CAMTA1: variants seen among roughly 807,000 people sequenced by gnomAD.
CAMTA1 encodes calmodulin binding transcription activator 1.
A neutral mutation model predicts 170.9 loss-of-function variants in CAMTA1; 27 were observed. The ratio of observed to expected loss-of-function variants is 0.16; its 90% CI spans 0.12 to 0.22. The LOEUF is 0.22. Among genes scored for constraint, CAMTA1 ranks in the 10% least tolerant of loss-of-function variants. CAMTA1 has a pLI of 1.00. For missense variants in CAMTA1, 1,619 were observed against 2,217.2 expected (o/e 0.73, Z 5.42); for synonymous variants, 833 against 891.5 (o/e 0.93, Z 1.17).
intron 6 of CAMTA1, among the ~76,000 whole-genome samples, chr1:7,628,578 A>G (rs1189153125): frequency 6.6e-6 from 1 of 152,236 alleles, no homozygotes; most frequent in South Asian, 2.1e-4. Context: ...CTTCAGAGCT[A>G]TGGAGGGGAG....
At chr1:7,231,705 G>A (rs1312511016) in intron 4 of CAMTA1, among the ~76,000 whole-genome samples, 2 of 152,182 alleles carry the variant, frequency 1.3e-5, no homozygotes, top group East Asian at 1.9e-4. Flanking sequence ...ATGTGGCTCC[G>A]ATGAGATGGA....
chr1:7,688,572 GGAGAA>G (rs1426779840), intron 11 of CAMTA1, among the ~76,000 whole-genome samples: 1 of 152,154 alleles, frequency 6.6e-6, no homozygotes, highest in African/African-American at 2.4e-5. Flanking sequence ...CACCCACCAT[GGAGAA>G]GAGAAGACAC....
chr1:6,929,899 G>C (rs1170579064), intron 3 of CAMTA1, among the ~76,000 whole-genome samples: 1 of 152,094 alleles, frequency 6.6e-6, no homozygotes, highest in Non-Finnish European at 1.5e-5. Context: ...ATTCTCCTTC[G>C]GTCCATGAGC....
chr1:7,475,257 C>T (rs1049272307), intron 6 of CAMTA1, among the ~76,000 whole-genome samples: 3 of 152,162 alleles, frequency 2.0e-5, no homozygotes, highest in Admixed American at 6.5e-5. Context: ...TAAAGCCTGA[C>T]GGCACTGGCT....
chr1:7,257,076 C>CGGT (rs1553291544), intron 5 of CAMTA1, among the ~76,000 whole-genome samples: 5 of 135,210 alleles, frequency 3.7e-5, no homozygotes, highest in Non-Finnish European at 6.5e-5. Context: ...CATCGCATGG[C>CGGT]GGGGGCGGGG....
intron 4 of CAMTA1, among the ~76,000 whole-genome samples, chr1:7,219,853 C>A (rs1262454081): frequency 6.6e-6 from 1 of 152,038 alleles, no homozygotes; most frequent in Admixed American, 6.5e-5. Flanking sequence ...CTGGGCAACA[C>A]AGGGAGACCC....
intron 4 of CAMTA1, among the ~76,000 whole-genome samples, chr1:7,218,301 TG>T: frequency 6.6e-6 from 1 of 152,206 alleles, no homozygotes; most frequent in Non-Finnish European, 1.5e-5. Flanking sequence ...ACCTTATGGT[TG>T]GGATTTTGGG....
chr1:7,117,960 C>A (rs1395300499), intron 4 of CAMTA1, among the ~76,000 whole-genome samples: 1 of 152,174 alleles, frequency 6.6e-6, no homozygotes, highest in Non-Finnish European at 1.5e-5. Context: ...TGTGTCCCAG[C>A]CCTTTCGGGA....
Position 6,918,108 on chromosome 1 carries a change from T to C in CAMTA1, c.234+92898T>C, listed in dbSNP as rs1681235238. Among the ~76,000 whole-genome samples the C allele has an allele frequency of 6.6e-6, 1 of 152,108 alleles. No individual in the cohort carries two copies. Among genetic ancestry groups the C allele is most frequent in the Admixed American group, 6.5e-5 (1 of 15,278 alleles). On this transcript the variant is annotated intron_variant, in intron 3 of 22. Transcript: ENST00000303635. This position sits in a 1 kb window ranked among gnomAD's most constrained non-coding sequence, Gnocchi z 4.0. Reference sequence around the variant, plus strand: ...CTAACTTTCCTTCTGTGGCTCCTAATGGTGAAGGCCTCCCATGCTCCTGTT... The same window carrying C: ...CTAACTTTCCTTCTGTGGCTCCTAACGGTGAAGGCCTCCCATGCTCCTGTT...
intron 4 of CAMTA1, among the ~76,000 whole-genome samples, chr1:7,187,708 C>T (rs1031733117): frequency 6.6e-6 from 1 of 152,204 alleles, no homozygotes; most frequent in African/African-American, 2.4e-5. Flanking sequence ...TGGCACCAAC[C>T]TTCATTATCT....
At chr1:7,626,534 T>C (rs1312838634) in intron 6 of CAMTA1, among the ~76,000 whole-genome samples, 2 of 152,212 alleles carry the variant, frequency 1.3e-5, no homozygotes, top group African/African-American at 4.8e-5. Flanking sequence ...AGCAGCCTTG[T>C]TCTGAATGCC....
chr1:7,590,255 A>G (rs2095345579), intron 6 of CAMTA1, among the ~76,000 whole-genome samples: 1 of 152,184 alleles, frequency 6.6e-6, no homozygotes, highest in African/African-American at 2.4e-5. Context: ...TGCTGCTGCT[A>G]TGAGTCCCTG....
At position 7,446,110 on chromosome 1, in the gene CAMTA1, C is replaced by T. The variant is rs908879400; in HGVS notation, c.439-21720C>T. Among the ~76,000 whole-genome samples, 8 of 150,428 alleles carry T rather than the reference C, an allele frequency of 5.3e-5. No homozygotes were observed. The South Asian group carries it at 6.3e-4, about 12-fold the overall frequency. On this transcript the variant is annotated intron_variant, in intron 5 of 22. Transcript: ENST00000303635. The stretch of plus-strand genomic sequence containing the variant: ...CTCCGCCCGCCGCTCACCTTGCTGT[C>T]GGCAAGAGTTAAGTTTTACTGAGAA...
Position 7,610,254 on chromosome 1 carries a change from C to G in CAMTA1, c.511-30146C>G, listed in dbSNP as rs547557938. Among the ~76,000 whole-genome samples, 12 of 152,328 alleles carry G rather than the reference C, an allele frequency of 7.9e-5. No homozygotes were observed. The South Asian group carries it at 2.3e-3, about 29-fold the overall frequency. ...TAAAGGCAAGGCTCAGCGAGAAGAG[C>G]TGGGATATCTGGGTCCTGTTCTGTC... On this transcript the variant is annotated intron_variant, in intron 6 of 22. Transcript: ENST00000303635.
At chr1:7,597,145 A>C (rs1022278331) in intron 6 of CAMTA1, among the ~76,000 whole-genome samples, 2 of 152,230 alleles carry the variant, frequency 1.3e-5, no homozygotes, top group Non-Finnish European at 2.9e-5. Context: ...GAGCCCACTG[A>C]GTAGGCAAGG....
Position 7,234,886 on chromosome 1 carries a change from A to G in CAMTA1, c.303-14605A>G, listed in dbSNP as rs1241210370. On this transcript the variant is annotated intron_variant, in intron 4 of 22. Coordinates refer to ENST00000303635, the MANE Select transcript of CAMTA1 (RefSeq NM_015215.4). This position sits in a 1 kb window ranked among gnomAD's most constrained non-coding sequence, Gnocchi z 5.0. ...ACTGCAACCTCCACTTCCCAGGTTC[A>G]AGCGATTCTTGCACCTCAGCCTCAT... Among the ~76,000 whole-genome samples, 1 of 151,146 alleles carries G rather than the reference A, an allele frequency of 6.6e-6. No individual in the cohort carries two copies. Among genetic ancestry groups the G allele is most frequent in the East Asian group, 1.9e-4 (1 of 5,150 alleles).
chr1:6,875,449 A>T (rs1238031083), intron 3 of CAMTA1, among the ~76,000 whole-genome samples: 1 of 151,992 alleles, frequency 6.6e-6, no homozygotes, highest in South Asian at 2.1e-4. Flanking sequence ...CACCTAGCTA[A>T]TTTTTTTGTA....
Position 7,532,638 on chromosome 1 carries a change from A to G in CAMTA1, c.510+64737A>G, listed in dbSNP as rs189886303. Among the ~76,000 whole-genome samples, 472 of 152,320 alleles carry G rather than the reference A, an allele frequency of 3.1e-3. 3 individuals are homozygous for G. Among genetic ancestry groups the G allele is most frequent in the African/African-American group, 0.01 (418 of 41,564 alleles). ...TCAGGTATTGAAACTTACAAAAAGC[A>G]TAGGGCTTGGCAACCTCCCTCTTCT... On this transcript the variant is annotated intron_variant, in intron 6 of 22. Coordinates refer to ENST00000303635, the MANE Select transcript of CAMTA1 (RefSeq NM_015215.4). The surrounding 1 kb of genome is among the most constrained non-coding windows in gnomAD (Gnocchi z 4.2).
intron 5 of CAMTA1, among the ~76,000 whole-genome samples, chr1:7,355,523 C>T (rs1036696934): frequency 2.0e-5 from 3 of 152,260 alleles, no homozygotes; most frequent in Non-Finnish European, 4.4e-5. Context: ...CCAACCCTTA[C>T]ACCCCTACCC....
Sources: gnomAD v4.1 joint callset for allele counts (sites outside exome capture counted in the v4.1 genomes callset) on GRCh38, gnomAD v4.1.1 for gene constraint, Gnocchi (gnomAD v3.1) non-coding constraint, MANE v1.5 for transcripts, NCBI Gene and HGNC (gene_info 2026-07-23, HGNC 2026-07-21) for gene names.